The following FAM120C variants were observed in gnomAD, a reference collection of about 807,000 sequenced individuals.
FAM120C encodes family with sequence similarity 120 member C, also known as constitutive coactivator of PPAR-gamma-like protein 2.
Under a neutral mutation model 71.2 loss-of-function variants are expected in FAM120C, and 14 were observed. The observed-to-expected ratio is 0.20, with a 90% CI of 0.13 to 0.31. FAM120C has a LOEUF of 0.31. FAM120C is among the 10% of genes least tolerant of loss of function. The pLI is 1.00. For missense variants in FAM120C, 500 were observed against 879.0 expected (o/e 0.57, Z 5.45); for synonymous variants, 354 against 353.2 (o/e 1.00, Z -0.03).
intron 10 of FAM120C, among the ~76,000 whole-genome samples, chrX:54,109,948 C>T (rs1266028192): frequency 9.2e-6 from 1 of 108,681 alleles, no homozygotes; most frequent in East Asian, 2.8e-4. Context: ...AAAATATCTA[C>T]TGTATTAAGG....
rs782808690 is a variant in FAM120C at position 54,148,921 on chromosome X, G to A, written c.1158+2324C>T. Among the ~76,000 whole-genome samples, 11 of 111,324 alleles carry A rather than the reference G, an allele frequency of 9.9e-5. No homozygotes were observed. In the South Asian group the frequency reaches 2.6e-3, roughly 26 times the overall value. On this transcript the variant is annotated intron_variant, in intron 4 of 15. Coordinates refer to ENST00000375180, the MANE Select transcript of FAM120C (RefSeq NM_017848.6). ...ATGATGTATACATATTTCAAAACAC[G>A]TTGTATGCAATAAATATATCTAATT... is the stretch of plus-strand genomic sequence containing the variant.
intron 3 of FAM120C, among the ~76,000 whole-genome samples, chrX:54,152,624 C>T: frequency 1.8e-5 from 2 of 112,853 alleles, no homozygotes; most frequent in Middle Eastern, 9.2e-3. Context: ...GTCTTGCCCA[C>T]TTTCCAATTA....
intron 15 of FAM120C, among the ~76,000 whole-genome samples, chrX:54,073,888 C>A (rs1253050928): frequency 3.6e-5 from 4 of 110,916 alleles, no homozygotes; most frequent in Non-Finnish European, 7.6e-5. Flanking sequence ...TGGAGTGCTG[C>A]GATCCTGGCT....
intron 10 of FAM120C, among the ~76,000 whole-genome samples, chrX:54,101,753 C>T (rs781890272): frequency 8.9e-6 from 1 of 111,918 alleles, no homozygotes; most frequent in African/African-American, 3.2e-5. Flanking sequence ...CTTCCATTTC[C>T]AATACCTCGC....
At chrX:54,171,059 G>A (rs781993960) in intron 1 of FAM120C, among the ~76,000 whole-genome samples, 1 of 111,466 alleles carries the variant, frequency 9.0e-6, no homozygotes, top group South Asian at 3.8e-4. Flanking sequence ...TTACAGGGAT[G>A]GGCAGCTAAC....
chrX:54,131,894 G>A (rs1279729116), intron 9 of FAM120C, among the ~76,000 whole-genome samples: 2 of 108,173 alleles, frequency 1.8e-5, no homozygotes, highest in South Asian at 8.0e-4. Context: ...GACTACAGGC[G>A]CCTGCCACTG....
intron 4 of FAM120C, among the ~76,000 whole-genome samples, chrX:54,144,573 A>C (rs1177309562): frequency 1.8e-5 from 2 of 111,361 alleles, no homozygotes; most frequent in African/African-American, 6.5e-5. Flanking sequence ...CAATTGCTTC[A>C]AAGAGAATAA....
chrX:54,122,907 A>G (rs2067004592), intron 9 of FAM120C, among the ~76,000 whole-genome samples: 1 of 23,095 alleles, frequency 4.3e-5, no homozygotes, highest in Non-Finnish European at 6.7e-5. Flanking sequence ...CTTTTAGGGC[A>G]GGCCTGGTGG....
At chrX:54,178,159 G>T (rs946676965) in intron 1 of FAM120C, among the ~76,000 whole-genome samples, 1 of 112,094 alleles carries the variant, frequency 8.9e-6, no homozygotes, top group African/African-American at 3.2e-5. Context: ...GATTATTTGT[G>T]CATGCTGTAA....
intron 10 of FAM120C, among the ~76,000 whole-genome samples, chrX:54,103,916 T>C (rs188804291): frequency 7.1e-5 from 8 of 112,046 alleles, no homozygotes; most frequent in African/African-American, 2.3e-4. Context: ...TGTATCTTTA[T>C]TCTTCATGTA....
intron 1 of FAM120C, 84 bp downstream of exon 1, chrX:54,182,416 T>A: frequency 9.5e-7 from 1 of 1,049,389 alleles, no homozygotes; most frequent in Middle Eastern, 2.7e-4. Flanking sequence ...GGTAGGGTAG[T>A]GGGTAAGTGG....
chrX:54,142,512 G>C (rs782617593), intron 4 of FAM120C, among the ~76,000 whole-genome samples: 1 of 112,025 alleles, frequency 8.9e-6, no homozygotes, highest in African/African-American at 3.2e-5. Context: ...GTCTGAGGTC[G>C]AACTGCAAGG....
chrX:54,147,076 G>A (rs889149798), intron 4 of FAM120C, among the ~76,000 whole-genome samples: 13 of 109,027 alleles, frequency 1.2e-4, no homozygotes, highest in Non-Finnish European at 1.9e-5. Context: ...AGCACTTTGG[G>A]AGGCCGAGGC....
At chrX:54,181,542 G>C (rs1371567965) in intron 1 of FAM120C, among the ~76,000 whole-genome samples, 1 of 111,503 alleles carries the variant, frequency 9.0e-6, no homozygotes, top group African/African-American at 3.3e-5. Flanking sequence ...ATGCAGATTG[G>C]ACTTAACTGC....
intron 9 of FAM120C, among the ~76,000 whole-genome samples, chrX:54,126,398 AAC>A (rs1263369597): frequency 8.9e-6 from 1 of 112,098 alleles, no homozygotes; most frequent in Non-Finnish European, 1.9e-5. Flanking sequence ...ACTGATAGAA[AAC>A]ACAGAATTCA....
intron 1 of FAM120C, among the ~76,000 whole-genome samples, chrX:54,174,571 G>C (rs782608925): frequency 5.6e-4 from 63 of 112,087 alleles, no homozygotes; most frequent in Middle Eastern, 9.3e-3. Flanking sequence ...TTAAAAGTTG[G>C]CAACAAATTC....
chrX:54,142,296 C>T (rs782551332), intron 4 of FAM120C, among the ~76,000 whole-genome samples: 4 of 112,007 alleles, frequency 3.6e-5, no homozygotes, highest in African/African-American at 1.3e-4. Context: ...ACCTGGGAAG[C>T]GCAAGGGGTC....
At chrX:54,101,392 G>A (rs948741025) in intron 10 of FAM120C, among the ~76,000 whole-genome samples, 3 of 111,752 alleles carry the variant, frequency 2.7e-5, no homozygotes, top group Non-Finnish European at 3.8e-5. Context: ...CTGAAGTGCC[G>A]TTAGGGCCTT....
At chrX:54,175,856 TAGA>T (rs782565981) in intron 1 of FAM120C, among the ~76,000 whole-genome samples, 9 of 111,756 alleles carry the variant, frequency 8.1e-5, no homozygotes, top group East Asian at 2.8e-4. Flanking sequence ...AATGAGTACT[TAGA>T]AGAATAGGGA....
Sources: allele counts gnomAD v4.1 joint callset (sites outside exome capture counted in the v4.1 genomes callset), GRCh38; gene constraint gnomAD v4.1.1; transcripts MANE v1.5; gene names NCBI Gene and HGNC (gene_info 2026-07-23, HGNC 2026-07-21).